Variants in KDM6A observed in about 807,000 individuals in gnomAD.
KDM6A encodes lysine-specific demethylase 6A.
A neutral mutation model predicts 117.6 loss-of-function variants in KDM6A; 11 were observed. That is an observed-to-expected ratio of 0.09 (90% CI 0.06 to 0.15). The LOEUF is 0.15. Ranked by LOEUF, KDM6A falls within the 10% of genes least tolerant of loss-of-function variation. KDM6A has a pLI of 1.00. For missense variants in KDM6A, 799 were observed against 1,077.3 expected (o/e 0.74, Z 3.62); for synonymous variants, 384 against 396.1 (o/e 0.97, Z 0.36).
intron 4 of KDM6A, among the ~76,000 whole-genome samples, chrX:45,003,416 T>TTA (rs1556070828): frequency 1.0e-5 from 1 of 96,921 alleles, no homozygotes; most frequent in Non-Finnish European, 2.0e-5. Flanking sequence ...TTTTTTTTTT[T>TTA]AACAGAATAG....
At chrX:45,084,525 G>A (rs1336440246) in intron 24 of KDM6A, among the ~76,000 whole-genome samples, 6 of 111,805 alleles carry the variant, frequency 5.4e-5, no homozygotes, top group African/African-American at 1.9e-4. Flanking sequence ...ACTGAGTCGT[G>A]CTTAAGAATT....
At chrX:44,963,530 T>C (rs1051058488) in intron 3 of KDM6A, among the ~76,000 whole-genome samples, 2 of 109,395 alleles carry the variant, frequency 1.8e-5, no homozygotes, top group Admixed American at 2.0e-4. Flanking sequence ...TGTCTCTCTC[T>C]GTGTCTCTTT....
chrX:44,881,325 A>G (rs1415173478), intron 2 of KDM6A, among the ~76,000 whole-genome samples: 1 of 111,324 alleles, frequency 9.0e-6, no homozygotes, highest in Non-Finnish European at 1.9e-5. Flanking sequence ...CAGCTACTCG[A>G]GAGGCTGAGG....
intron 4 of KDM6A, among the ~76,000 whole-genome samples, chrX:44,992,182 G>A (rs1240748975): frequency 3.1e-5 from 3 of 95,700 alleles, no homozygotes; most frequent in Admixed American, 2.4e-4. Context: ...ACCACCTAAC[G>A]AAATTTAGCA....
chrX:45,081,074 A>G (rs1163053716), intron 21 of KDM6A, among the ~76,000 whole-genome samples: 1 of 111,791 alleles, frequency 8.9e-6, no homozygotes, highest in African/African-American at 3.3e-5. Context: ...CCGGGATTAC[A>G]GGCATGTGCC....
chrX:45,038,472 C>T (rs1297644334), intron 8 of KDM6A, among the ~76,000 whole-genome samples: 3 of 110,560 alleles, frequency 2.7e-5, no homozygotes, highest in Non-Finnish European at 3.8e-5. Context: ...TTTCATGGCT[C>T]CTTCACTTTA....
chrX:45,040,535 C>T (rs1275705368), intron 8 of KDM6A, among the ~76,000 whole-genome samples: 1 of 68,526 alleles, frequency 1.5e-5, no homozygotes, highest in African/African-American at 5.7e-5. Flanking sequence ...GGCGGCTGGC[C>T]GGGCAGAGGG....
chrX:44,895,941 T>C (rs775300317), intron 2 of KDM6A, among the ~76,000 whole-genome samples: 5 of 110,473 alleles, frequency 4.5e-5, no homozygotes, highest in Non-Finnish European at 7.6e-5. Context: ...GATTTCTTAG[T>C]GGTTGCTCTG....
rs140539113 is a variant in KDM6A at position 44,912,788 on chromosome X, A to G, written c.225+38801A>G. ...GTTGTCTTTCCTAATAGCTTCGTCT[A>G]CTTCTGATTGTCACACACTCTCTCT... is the stretch of plus-strand genomic sequence containing the variant. On this transcript the variant is annotated intron_variant, in intron 2 of 29. Transcript: ENST00000611820. Among the ~76,000 whole-genome samples the G allele has an allele frequency of 3.0e-3, 336 of 112,136 alleles. 1 individual carries two copies. Among genetic ancestry groups the G allele is most frequent in the African/African-American group, 0.01 (314 of 30,855 alleles).
chrX:45,015,109 C>CT (rs1199030110), intron 5 of KDM6A, among the ~76,000 whole-genome samples: 4 of 102,341 alleles, frequency 3.9e-5, no homozygotes, highest in African/African-American at 7.3e-5. Flanking sequence ...CTTTTCTTTT[C>CT]TTTTTTTTCT....
intron 27 of KDM6A, among the ~76,000 whole-genome samples, chrX:45,092,453 A>G (rs1447328317): frequency 2.7e-5 from 3 of 111,764 alleles, no homozygotes; most frequent in Non-Finnish European, 3.8e-5. Flanking sequence ...CCTCACTATA[A>G]TTCTTGCAAG....
At chrX:44,981,748 A>G (rs1164596046) in intron 4 of KDM6A, among the ~76,000 whole-genome samples, 1 of 111,229 alleles carries the variant, frequency 9.0e-6, no homozygotes, top group East Asian at 2.8e-4. Context: ...CTGAAGCTAC[A>G]TAGGTGGCTG....
intron 4 of KDM6A, 77 bp downstream of exon 4, chrX:44,974,792 AGCTCTTGCTTTT>A (rs1454964768): frequency 1.4e-6 from 1 of 740,571 alleles, no homozygotes; most frequent in Non-Finnish European, 2.1e-6. Flanking sequence ...AAATTAATTG[AGCTCTTGCTTTT>A]TTTTGTTAAT....
chrX:44,911,755 G>A (rs1331173016), intron 2 of KDM6A, among the ~76,000 whole-genome samples: 1 of 111,987 alleles, frequency 8.9e-6, no homozygotes, highest in African/African-American at 3.2e-5. Context: ...CTGAGTGAAC[G>A]AGACTCCGTC....
At chrX:45,016,505 T>G (rs1293167502) in intron 5 of KDM6A, among the ~76,000 whole-genome samples, 1 of 108,013 alleles carries the variant, frequency 9.3e-6, no homozygotes, top group African/African-American at 3.4e-5. Flanking sequence ...ATGTATTTGT[T>G]TATTTATTTA....
At chrX:44,997,564 G>A (rs2040923321) in intron 4 of KDM6A, among the ~76,000 whole-genome samples, 1 of 111,660 alleles carries the variant, frequency 9.0e-6, no homozygotes, top group African/African-American at 3.3e-5. Context: ...TGGGGGCGTG[G>A]CAGGTAGGCA....
At chrX:45,092,217 T>TA (rs2045919294) in intron 27 of KDM6A, among the ~76,000 whole-genome samples, 1 of 111,554 alleles carries the variant, frequency 9.0e-6, no homozygotes, top group Non-Finnish European at 1.9e-5. Flanking sequence ...AAAAATGACC[T>TA]AAAGTCACTG....
intron 8 of KDM6A, among the ~76,000 whole-genome samples, chrX:45,039,503 A>ATTTTTTTTT (rs756202597): frequency 3.3e-5 from 2 of 61,256 alleles, no homozygotes; most frequent in African/African-American, 5.3e-5. Context: ...TCATTTGATA[A>ATTTTTTTTT]TTTTTTTTTT....
intron 4 of KDM6A, among the ~76,000 whole-genome samples, chrX:44,991,678 TTTGTTGTTG>T (rs752362184): frequency 7.2e-5 from 8 of 111,543 alleles, no homozygotes; most frequent in Admixed American, 4.8e-4. Flanking sequence ...AGTGGGTGTT[TTTGTTGTTG>T]TTGTTGTTGT....
Sources: gnomAD v4.1 joint callset for allele counts (sites outside exome capture counted in the v4.1 genomes callset) on GRCh38, gnomAD v4.1.1 for gene constraint, MANE v1.5 for transcripts, NCBI Gene and HGNC (gene_info 2026-07-23, HGNC 2026-07-21) for gene names.